The following CFAP70 variants were observed in gnomAD, a reference collection of about 807,000 sequenced individuals.
The protein encoded by CFAP70 is cilia and flagella associated protein 70, also known as cilia- and flagella-associated protein 70.
In CFAP70, 81 loss-of-function variants were observed where a neutral mutation model predicts 137.6. That is an observed-to-expected ratio of 0.59 (90% confidence interval 0.49 to 0.71). The LOEUF (loss-of-function observed/expected upper bound fraction) is 0.71, where lower values mean the gene tolerates loss of function less well. Ranked by LOEUF, CFAP70 falls within the 30% of genes least tolerant of loss-of-function variation. The pLI is 0.00. For synonymous variants in CFAP70, 382 were observed against 423.6 expected, an observed-to-expected ratio of 0.90 and a Z score of 1.20; for missense variants, 976 against 1,226.7, an observed-to-expected ratio of 0.80 and a Z score of 3.05.
At chr10:73,358,814 C>G (rs1029884436), upstream of CFAP70, 1 of 152,430 alleles carries the variant, frequency 6.6e-6, no homozygotes, top group Non-Finnish European at 1.5e-5. Flanking sequence ...TTCCAAGACT[C>G]GCGATAACCC....
rs564590543 is a variant in CFAP70, at chr10:73,290,298, A to G, written c.2239+928T>C. 1.2e-3 allele frequency among the ~76,000 whole-genome samples: 179 copies of G among 152,300 alleles called. 2 individuals carry two copies. The highest frequency in any genetic ancestry group is 4.2e-3 in the African/African-American group (176 of 41,564). The stretch of plus-strand genomic sequence containing the variant: ...TGTGTGATTCTATTTAATTCTGGAA[A>G]TTCTAGAAAATTCCAGGTGTTTTCT... On this transcript the variant is annotated intron_variant, in intron 19 of 26. Transcript: ENST00000310715.
intron 12 of CFAP70, among the ~76,000 whole-genome samples, chr10:73,301,573 G>A (rs992246833): frequency 2.6e-5 from 4 of 152,062 alleles, no homozygotes; most frequent in African/African-American, 9.7e-5. Flanking sequence ...GTAGATAAAC[G>A]GCTGCTTAGA....
chr10:73,345,633 C>T (rs1005936229), intron 4 of CFAP70, among the ~76,000 whole-genome samples: 8 of 151,898 alleles, frequency 5.3e-5, no homozygotes, highest in Admixed American at 1.3e-4. Context: ...AGTGAAAACC[C>T]ATCTCTACTA....
chr10:73,257,870 T>C (rs79302025), intron 25 of CFAP70, among the ~76,000 whole-genome samples: 15,178 of 149,448 alleles, frequency 0.1, 1,106 homozygotes, highest in East Asian at 0.28. Flanking sequence ...TCTTCTCCTT[T>C]TCCTTCTTTT....
exon 17 of CFAP70, chr10:73,291,950 G>C: frequency 6.2e-7 from 1 of 1,614,186 alleles, no homozygotes; most frequent in Non-Finnish European, 8.5e-7. Flanking sequence ...GTTGTCTTCA[G>C]TTAGGAGGCA....
chr10:73,360,199 T>C (rs1376163676), upstream of CFAP70, among the ~76,000 whole-genome samples: 1 of 152,138 alleles, frequency 6.6e-6, no homozygotes, highest in East Asian at 1.9e-4. Flanking sequence ...ATGTGGAAGT[T>C]TGTTTGTTGT....
At chr10:73,256,542 G>A in intron 25 of CFAP70, 126 bp from the exon 27 acceptor site, 2 of 898,976 alleles carry the variant, frequency 2.2e-6, no homozygotes, top group Non-Finnish European at 3.5e-6. Flanking sequence ...TTCCAGTTAA[G>A]AACTTCTGAA....
At chr10:73,353,976 G>C (rs1403884398) in intron 2 of CFAP70, among the ~76,000 whole-genome samples, 1 of 152,068 alleles carries the variant, frequency 6.6e-6, no homozygotes, top group Non-Finnish European at 1.5e-5. Flanking sequence ...CATTTATTGT[G>C]TTTCACCTAA....
Position 73,275,544 on chromosome 10 carries a change from A to G in CFAP70, c.2575T>C (p.Cys859Arg). 1 of 1,611,600 alleles carries G rather than the reference A, an allele frequency of 6.2e-7. No individual in the cohort carries two copies. Among genetic ancestry groups the G allele is most frequent in the Non-Finnish European group, 8.5e-7 (1 of 1,179,106 alleles). ...TGGGCCAGCACCAAGTAATATTCAC[A>G]GCTGGGGCCTCCTTGAGGGCATAAC... is the stretch of plus-strand genomic sequence containing the variant. Residue 859 changes from cysteine (C) to arginine (R), a missense_variant, in exon 22 of 27, where the codon TGT (cysteine) becomes CGT (arginine). Cys to Arg is a radical substitution (Grantham distance 180). Coordinates refer to ENST00000310715, the Ensembl canonical transcript of CFAP70. The surrounding 1 kb of genome is among the most constrained non-coding windows in gnomAD (Gnocchi z 4.0).
chr10:73,264,035 C>A (rs1486618027), intron 25 of CFAP70, among the ~76,000 whole-genome samples: 1 of 152,132 alleles, frequency 6.6e-6, no homozygotes, highest in Non-Finnish European at 1.5e-5. Flanking sequence ...CTCAAATTAT[C>A]CTTGTTTTAG....
chr10:73,353,401 G>C (rs1367221816), intron 3 of CFAP70, among the ~76,000 whole-genome samples, 155 bp downstream of exon 3: 1 of 152,192 alleles, frequency 6.6e-6, no homozygotes, highest in Non-Finnish European at 1.5e-5. Flanking sequence ...TCACGTTTCA[G>C]TTCCTGCCTT....
intron 15 of CFAP70, chr10:73,296,732 G>T: frequency 5.5e-6 from 1 of 183,478 alleles, no homozygotes; most frequent in Non-Finnish European, 1.1e-5. Context: ...AGAATAAATA[G>T]AATGATAATT....
intron 25 of CFAP70, among the ~76,000 whole-genome samples, chr10:73,264,782 T>C (rs549933173): frequency 1.3e-5 from 2 of 152,368 alleles, no homozygotes; most frequent in South Asian, 4.1e-4. Flanking sequence ...AATTACGTTA[T>C]TCATTTGAAA....
intron 11 of CFAP70, 140 bp from the exon 13 acceptor site, chr10:73,310,389 A>G: frequency 4.3e-6 from 2 of 463,108 alleles, no homozygotes; most frequent in East Asian, 7.4e-5. Flanking sequence ...TCAACTGTTA[A>G]AATACTTTTC....
At position 73,283,533 on chromosome 10, in the gene CFAP70, T is replaced by G. The variant is rs2047420459; in HGVS notation, c.2240-5196A>C. 2.0e-5 allele frequency among the ~76,000 whole-genome samples: 3 copies of G among 152,342 alleles called. No individual in the cohort carries two copies. The South Asian group carries it at 6.2e-4, about 32-fold the overall frequency. On this transcript the variant is annotated intron_variant, in intron 19 of 26. Transcript: ENST00000310715. ...CTGTGTTGTTTAGTGCAAACACACT[T>G]AGAACTGGTATGTCTTCTTGGTGAA... is the stretch of plus-strand genomic sequence containing the variant.
chr10:73,348,096 C>A, intron 4 of CFAP70, 60 bp downstream of exon 5: 1 of 1,468,526 alleles, frequency 6.8e-7, no homozygotes, highest in Non-Finnish European at 9.5e-7. Flanking sequence ...ACCTTAATAG[C>A]AGACAGAATT....
intron 11 of CFAP70, among the ~76,000 whole-genome samples, chr10:73,311,191 T>C (rs553603355): frequency 6.6e-6 from 1 of 152,334 alleles, no homozygotes; most frequent in South Asian, 2.1e-4. Flanking sequence ...ATAGAATCTC[T>C]CCTTTAATTT....
chr10:73,322,980 T>C, exon 9 of CFAP70: 1 of 1,607,394 alleles, frequency 6.2e-7, no homozygotes, highest in Non-Finnish European at 8.5e-7. Context: ...TGGACTACAC[T>C]GTCTAGGTAA....
At chr10:73,312,589 T>G in exon 10 of CFAP70, 1 of 1,610,806 alleles carries the variant, frequency 6.2e-7, no homozygotes, top group Admixed American at 1.7e-5. Flanking sequence ...CCTATTTTAT[T>G]ATTATGAATC....
Sources: gnomAD v4.1 joint callset for allele counts (sites outside exome capture counted in the v4.1 genomes callset) on GRCh38, gnomAD v4.1.1 for gene constraint, Gnocchi (gnomAD v3.1) non-coding constraint, MANE v1.5 for transcripts, NCBI Gene and HGNC (gene_info 2026-07-23, HGNC 2026-07-21) for gene names.